The following COL8A1 variants were observed in gnomAD, a reference collection of about 807,000 sequenced individuals.
COL8A1 encodes collagen alpha-1(VIII) chain.
A neutral mutation model predicts 42.7 loss-of-function variants in COL8A1; 21 were observed. The ratio of observed to expected loss-of-function variants is 0.49; its 90% CI spans 0.35 to 0.71. The LOEUF (loss-of-function observed/expected upper bound fraction) is 0.71, where lower values mean the gene tolerates loss of function less well. Ranked by LOEUF, COL8A1 falls within the 30% of genes least tolerant of loss-of-function variation. COL8A1 has a pLI of 0.01. For missense variants in COL8A1, 788 were observed against 962.4 expected (o/e 0.82, Z 2.40); for synonymous variants, 367 against 369.1 (o/e 0.99, Z 0.06).
chr3:99,740,660 G>A (rs1230610943), intron 1 of COL8A1, among the ~76,000 whole-genome samples: 2 of 152,068 alleles, frequency 1.3e-5, no homozygotes, highest in Non-Finnish European at 2.9e-5. Context: ...TGGGGATTAT[G>A]GAAACTACAA....
At chr3:99,777,261 C>G (rs775930974) in intron 2 of COL8A1, among the ~76,000 whole-genome samples, 15 of 152,090 alleles carry the variant, frequency 9.9e-5, no homozygotes, top group Non-Finnish European at 1.6e-4. Context: ...CCTCAATACC[C>G]AGATTCTATT....
At chr3:99,668,578 T>G (rs909230461) in intron 1 of COL8A1, among the ~76,000 whole-genome samples, 2 of 152,062 alleles carry the variant, frequency 1.3e-5, no homozygotes, top group African/African-American at 4.8e-5. Context: ...GGAGAAAAAC[T>G]GAGATATGGA....
At chr3:99,730,994 A>G (rs954665703) in intron 1 of COL8A1, among the ~76,000 whole-genome samples, 1 of 152,108 alleles carries the variant, frequency 6.6e-6, no homozygotes, top group Admixed American at 6.6e-5. Context: ...AAAAGCACAA[A>G]GAATATTTAT....
rs948250196 is a variant in COL8A1, at chr3:99,796,335, C to A, written c.*199C>A. On this transcript the variant is annotated 3_prime_UTR_variant, in exon 4 of 4. Coordinates refer to ENST00000652472, the MANE Select transcript of COL8A1 (RefSeq NM_020351.4). ...TACTCCACACAGCAGCCTGTAATTG[C>A]GAATGATGGGATAGAGTTATGTATC... 2.2e-6 allele frequency: 1 copy of A among 453,998 alleles called. No homozygotes were observed. The allele number at this position is 453,998 out of a possible 1,614,324, so 28.1% of individuals were successfully genotyped here.
Position 99,788,916 on chromosome 3 carries a change from A to T in COL8A1, c.-3-1764A>T, listed in dbSNP as rs753997611. On this transcript the variant is annotated intron_variant, in intron 2 of 3. Coordinates refer to ENST00000652472, the MANE Select transcript of COL8A1 (RefSeq NM_020351.4). ...GAGGAAAATTTACTTTTTACTAGAT[A>T]TCCTTTGCTACTCAATAACAGTTTA... is the stretch of plus-strand genomic sequence containing the variant. 1.1e-3 allele frequency among the ~76,000 whole-genome samples: 162 copies of T among 152,270 alleles called. 1 individual carries two copies. Among genetic ancestry groups the T allele is most frequent in the Non-Finnish European group, 1.1e-3 (74 of 68,018 alleles).
chr3:99,640,864 A>G (rs1937494401), intron 1 of COL8A1, among the ~76,000 whole-genome samples: 1 of 152,052 alleles, frequency 6.6e-6, no homozygotes. Flanking sequence ...TCTTTTTGCC[A>G]TTATATAGCT....
intron 1 of COL8A1, among the ~76,000 whole-genome samples, chr3:99,667,996 AG>A (rs1938418936): frequency 1.3e-5 from 2 of 152,144 alleles, no homozygotes; most frequent in South Asian, 4.1e-4. Flanking sequence ...GAGCTGGACC[AG>A]AATGTGAAAA....
intron 1 of COL8A1, chr3:99,678,398 C>T (rs1326130203): frequency 6.6e-6 from 1 of 151,948 alleles, no homozygotes; most frequent in African/African-American, 2.4e-5. Flanking sequence ...TCCTCCTTGG[C>T]CCAGAGAAGA....
At chr3:99,713,131 T>C (rs946252070) in intron 1 of COL8A1, among the ~76,000 whole-genome samples, 2 of 152,146 alleles carry the variant, frequency 1.3e-5, no homozygotes, top group African/African-American at 4.8e-5. Flanking sequence ...CAGTTAATCC[T>C]GATTACAGTC....
At chr3:99,647,409 A>T (rs1937682417) in intron 1 of COL8A1, among the ~76,000 whole-genome samples, 1 of 152,204 alleles carries the variant, frequency 6.6e-6, no homozygotes, top group South Asian at 2.1e-4. Context: ...AGCAGATAAC[A>T]TGCCTTTGTT....
intron 2 of COL8A1, among the ~76,000 whole-genome samples, chr3:99,759,627 A>G (rs1177924932): frequency 6.6e-6 from 1 of 152,242 alleles, no homozygotes; most frequent in African/African-American, 2.4e-5. Context: ...AGATTTTCAG[A>G]TTAACCAATG....
At chr3:99,764,701 CTTTTTTTTTT>C (rs10648559) in intron 2 of COL8A1, among the ~76,000 whole-genome samples, 1 of 125,052 alleles carries the variant, frequency 8.0e-6, no homozygotes, top group Non-Finnish European at 1.6e-5. Context: ...TCTTTTTTTT[CTTTTTTTTTT>C]TTTTTTGAGA....
At chr3:99,757,362 G>C (rs1488567134) in intron 2 of COL8A1, among the ~76,000 whole-genome samples, 1 of 152,152 alleles carries the variant, frequency 6.6e-6, no homozygotes, top group Admixed American at 6.5e-5. Flanking sequence ...GACCATTCAT[G>C]ACATTGACTA....
intron 1 of COL8A1, among the ~76,000 whole-genome samples, chr3:99,658,157 A>G (rs1938088045): frequency 6.6e-6 from 1 of 151,144 alleles, no homozygotes. Context: ...TTTCAAAGAC[A>G]TTTCATAGCC....
chr3:99,645,389 G>A (rs1365701248), intron 1 of COL8A1, among the ~76,000 whole-genome samples: 1 of 152,126 alleles, frequency 6.6e-6, no homozygotes, highest in Non-Finnish European at 1.5e-5. Context: ...GTTGAGGTTG[G>A]AAGAATGAGG....
chr3:99,664,036 A>G (rs1228598551), intron 1 of COL8A1, among the ~76,000 whole-genome samples: 1 of 152,226 alleles, frequency 6.6e-6, no homozygotes, highest in African/African-American at 2.4e-5. Context: ...CCAAATACTC[A>G]GTGTGCATAA....
chr3:99,783,358 T>C (rs577251388), intron 2 of COL8A1, among the ~76,000 whole-genome samples: 2 of 152,338 alleles, frequency 1.3e-5, no homozygotes, highest in Non-Finnish European at 2.9e-5. Context: ...ATGGGGATGA[T>C]TGGCTGCTCT....
chr3:99,649,973 T>C (rs1224547224), intron 1 of COL8A1, among the ~76,000 whole-genome samples: 2 of 152,208 alleles, frequency 1.3e-5, no homozygotes, highest in Admixed American at 1.3e-4. Flanking sequence ...GTTAGTACCC[T>C]GCTCAAAAGG....
chr3:99,697,990 C>T (rs139038178), intron 1 of COL8A1, among the ~76,000 whole-genome samples: 21 of 152,184 alleles, frequency 1.4e-4, no homozygotes, highest in African/African-American at 3.4e-4. Flanking sequence ...TGATAGGCCC[C>T]GGTGTGTGAT....
Sources: gnomAD v4.1 joint callset for allele counts (sites outside exome capture counted in the v4.1 genomes callset) on GRCh38, gnomAD v4.1.1 for gene constraint, MANE v1.5 for transcripts, NCBI Gene and HGNC (gene_info 2026-07-23, HGNC 2026-07-21) for gene names.